The following CSMD1 variants were observed in gnomAD, a reference collection of about 807,000 sequenced individuals.
CSMD1 encodes the protein CUB and Sushi multiple domains 1.
In CSMD1, 213 loss-of-function variants were observed where a neutral mutation model predicts 417.5. That is an observed-to-expected ratio of 0.51 (90% CI 0.46 to 0.57). The LOEUF (loss-of-function observed/expected upper bound fraction) is 0.57, where lower values mean the gene tolerates loss of function less well. CSMD1 is among the 20% of genes least tolerant of loss of function. The pLI is 0.00. For missense variants in CSMD1, 6,923 were observed against 4,529.7 expected, an observed-to-expected ratio of 1.53 and a Z score of -15.17; for synonymous variants, 2,862 against 1,736.8, an observed-to-expected ratio of 1.65 and a Z score of -16.11.
intron 3 of CSMD1, among the ~76,000 whole-genome samples, chr8:4,229,774 T>G (rs558914995): frequency 6.6e-6 from 1 of 152,220 alleles, no homozygotes; most frequent in Admixed American, 6.5e-5. Flanking sequence ...TGCGACCCAC[T>G]AAGTGTTTCA....
chr8:3,733,841 C>A (rs1404377104), intron 6 of CSMD1, among the ~76,000 whole-genome samples: 1 of 152,096 alleles, frequency 6.6e-6, no homozygotes, highest in Admixed American at 6.5e-5. Flanking sequence ...TATTGTTTAT[C>A]TCATATGTGC....
intron 5 of CSMD1, among the ~76,000 whole-genome samples, chr8:3,871,613 T>C (rs1453184097): frequency 6.6e-6 from 1 of 152,216 alleles, no homozygotes; most frequent in Non-Finnish European, 1.5e-5. Context: ...CAAATTCAGA[T>C]TATACAGGAT....
intron 54 of CSMD1, among the ~76,000 whole-genome samples, chr8:2,982,541 T>G (rs1383056973): frequency 6.6e-6 from 1 of 152,188 alleles, no homozygotes; most frequent in Non-Finnish European, 1.5e-5. Flanking sequence ...TGAGATTTGA[T>G]GGTGAATTAT....
At chr8:4,519,673 G>A (rs1803322824) in intron 2 of CSMD1, among the ~76,000 whole-genome samples, 1 of 138,462 alleles carries the variant, frequency 7.2e-6, no homozygotes, top group Non-Finnish European at 1.5e-5. Flanking sequence ...AACCCAGGAG[G>A]CAGAGGTTAC....
chr8:4,200,217 C>G (rs1023724386), intron 3 of CSMD1, among the ~76,000 whole-genome samples: 3 of 152,140 alleles, frequency 2.0e-5, no homozygotes, highest in Non-Finnish European at 4.4e-5. Flanking sequence ...TTATGAAATT[C>G]TGGCCAGCAT....
chr8:4,397,229 G>C (rs774188682), intron 3 of CSMD1, among the ~76,000 whole-genome samples: 12 of 150,892 alleles, frequency 8.0e-5, no homozygotes, highest in African/African-American at 3.0e-4. Context: ...GCTCCCTTCT[G>C]TTTATTTAGC....
intron 5 of CSMD1, among the ~76,000 whole-genome samples, chr8:3,760,136 G>C (rs1797911978): frequency 6.6e-6 from 1 of 152,056 alleles, no homozygotes; most frequent in South Asian, 2.1e-4. Flanking sequence ...GGCTGAGAAA[G>C]GGTCTTCTTA....
At chr8:3,837,710 G>A (rs970892960) in intron 5 of CSMD1, among the ~76,000 whole-genome samples, 2 of 152,062 alleles carry the variant, frequency 1.3e-5, no homozygotes, top group Non-Finnish European at 2.9e-5. Context: ...TAGAGGTTGA[G>A]AACACATAAC....
intron 5 of CSMD1, among the ~76,000 whole-genome samples, chr8:3,982,199 AAAAAAT>A (rs1284619485): frequency 7.0e-6 from 1 of 142,436 alleles, no homozygotes; most frequent in African/African-American, 2.6e-5. Context: ...ATATTAATAA[AAAAAAT>A]AATAATAATA....
At chr8:4,106,610 T>G (rs888151443) in intron 3 of CSMD1, among the ~76,000 whole-genome samples, 1 of 152,210 alleles carries the variant, frequency 6.6e-6, no homozygotes, top group Non-Finnish European at 1.5e-5. Context: ...CGAATATATT[T>G]TATTCACCAA....
intron 3 of CSMD1, among the ~76,000 whole-genome samples, chr8:4,264,627 C>G (rs1314249448): frequency 6.6e-6 from 1 of 152,146 alleles, no homozygotes; most frequent in African/African-American, 2.4e-5. Flanking sequence ...GGTTTCTCAC[C>G]TGCTGTCCCA....
chr8:3,608,275 T>C (rs1162669279), intron 8 of CSMD1, among the ~76,000 whole-genome samples: 4 of 151,720 alleles, frequency 2.6e-5, no homozygotes, highest in African/African-American at 9.7e-5. Flanking sequence ...TTGCAGCTCA[T>C]GCAGAATCAG....
chr8:4,126,418 G>T (rs551613054), intron 3 of CSMD1, among the ~76,000 whole-genome samples: 1 of 152,282 alleles, frequency 6.6e-6, no homozygotes, highest in South Asian at 2.1e-4. Context: ...TCACAGGACA[G>T]CACCCTAGCG....
rs200817670 is a variant in CSMD1, at chr8:3,661,850, C to CTT, written c.1010-45055_1010-45054dup. 8.5e-5 allele frequency among the ~76,000 whole-genome samples: 13 copies of CTT among 152,194 alleles called. No individual in the cohort carries two copies. In the East Asian group the frequency reaches 9.7e-4, roughly 11 times the overall value. On this transcript the variant is annotated intron_variant, in intron 7 of 69. Coordinates refer to ENST00000635120, the MANE Select transcript of CSMD1 (RefSeq NM_033225.6). ...TTTTTATCACACCAAACAAGCCACC[C>CTT]TTTAGATCGGTGTTGAAGGACGACA...
intron 2 of CSMD1, among the ~76,000 whole-genome samples, chr8:4,482,494 A>C (rs1432958585): frequency 6.6e-6 from 1 of 152,138 alleles, no homozygotes; most frequent in Non-Finnish European, 1.5e-5. Flanking sequence ...CCAGTCTATT[A>C]TTGATGGGCA....
intron 7 of CSMD1, among the ~76,000 whole-genome samples, chr8:3,664,492 G>A (rs1430742958): frequency 6.6e-6 from 1 of 152,198 alleles, no homozygotes; most frequent in African/African-American, 2.4e-5. Context: ...ATCATGCATA[G>A]AATATGTAAA....
At chr8:4,410,672 G>C (rs1023201807) in intron 3 of CSMD1, among the ~76,000 whole-genome samples, 3 of 152,024 alleles carry the variant, frequency 2.0e-5, no homozygotes, top group Non-Finnish European at 2.9e-5. Flanking sequence ...CCTGACACAA[G>C]AGTATACTGG....
intron 3 of CSMD1, among the ~76,000 whole-genome samples, chr8:4,101,122 T>A (rs926911527): frequency 2.0e-5 from 3 of 152,224 alleles, no homozygotes; most frequent in African/African-American, 7.2e-5. Context: ...AATAGTCTTT[T>A]AAGGGCCTCA....
chr8:3,068,793 C>T (rs549911634), intron 49 of CSMD1, among the ~76,000 whole-genome samples: 3 of 152,220 alleles, frequency 2.0e-5, no homozygotes, highest in East Asian at 3.9e-4. Context: ...AGGGATCCAC[C>T]CCCATGATCC....
Sources: allele counts gnomAD v4.1 joint callset (sites outside exome capture counted in the v4.1 genomes callset), GRCh38; gene constraint gnomAD v4.1.1; transcripts MANE v1.5; gene names NCBI Gene and HGNC (gene_info 2026-07-23, HGNC 2026-07-21).